Variants in DST observed in about 807,000 individuals in gnomAD.
The protein encoded by DST is bullous pemphigoid antigen.
Under a neutral mutation model 875.2 loss-of-function variants are expected in DST, and 253 were observed. The ratio of observed to expected loss-of-function variants is 0.29; its 90% CI spans 0.26 to 0.32. The LOEUF (loss-of-function observed/expected upper bound fraction) is 0.32, where lower values mean the gene tolerates loss of function less well. Ranked by LOEUF, DST falls within the 10% of genes least tolerant of loss-of-function variation. The pLI, the probability that DST is intolerant of heterozygous loss-of-function variation, is 1.00. For missense variants in DST, 8,287 were observed against 9,111.6 expected (o/e 0.91, Z 3.68); for synonymous variants, 3,124 against 3,197.1 (o/e 0.98, Z 0.77).
At chr6:56,951,997 A>C (rs1482961303) in intron 2 of DST, among the ~76,000 whole-genome samples, 1 of 152,142 alleles carries the variant, frequency 6.6e-6, no homozygotes, top group Non-Finnish European at 1.5e-5. Context: ...TCATTCAATA[A>C]ATATTTATTA....
Position 56,597,854 on chromosome 6 carries a change from G to A in DST, c.12081C>T (p.Gly4027=), listed in dbSNP as rs200047849. 2.0e-5 allele frequency: 33 copies of A among 1,613,852 alleles called. No homozygotes were observed. Among genetic ancestry groups the A allele is most frequent in the Non-Finnish European group, 2.3e-5 (27 of 1,179,852 alleles). Residue 4027 remains glycine, a synonymous_variant, in exon 47 of 104, where the codon GGC becomes GGT. Coordinates refer to ENST00000680361, the MANE Select transcript of DST (RefSeq NM_001374736.1). ...QNGTHFQEGD[G]KSAIGEEDEV... ...CATCCTCTTCTCCAATTGCTGACTT[G>A]CCATCACCTTCTTGAAAATGGGTCC...
intron 2 of DST, among the ~76,000 whole-genome samples, chr6:56,931,656 A>G (rs1592638765): frequency 6.6e-6 from 1 of 152,156 alleles, no homozygotes; most frequent in African/African-American, 2.4e-5. Context: ...ATGGGAACCC[A>G]CCTCTTGCAT....
chr6:56,679,977 C>A (rs2099149454), intron 9 of DST, among the ~76,000 whole-genome samples: 1 of 152,130 alleles, frequency 6.6e-6, no homozygotes, highest in Non-Finnish European at 1.5e-5. Flanking sequence ...TCACCTCCAA[C>A]TTCCTAGCGA....
intron 3 of DST, among the ~76,000 whole-genome samples, chr6:56,890,335 T>A (rs974832815): frequency 2.0e-5 from 3 of 152,250 alleles, no homozygotes; most frequent in African/African-American, 7.2e-5. Context: ...ATGATGATGA[T>A]GTTTAAAAAT....
At chr6:56,577,812 T>C (rs1039017924) in intron 50 of DST, among the ~76,000 whole-genome samples, 5 of 152,146 alleles carry the variant, frequency 3.3e-5, no homozygotes, top group African/African-American at 1.2e-4. Flanking sequence ...TGTAAGATAG[T>C]AAAAAATATG....
chr6:56,781,082 A>C (rs1053609490), intron 4 of DST, among the ~76,000 whole-genome samples: 2 of 151,362 alleles, frequency 1.3e-5, no homozygotes, highest in Admixed American at 6.6e-5. Context: ...CCATTGATCT[A>C]TATCTCTGTT....
intron 72 of DST, among the ~76,000 whole-genome samples, chr6:56,514,576 T>TACACACACAC (rs199770226): frequency 9.3e-5 from 10 of 107,240 alleles, no homozygotes; most frequent in Non-Finnish European, 1.2e-4. Flanking sequence ...GGCACAGGCG[T>TACACACACAC]ATACACACAC....
Position 56,482,886 on chromosome 6 carries a change from A to C in DST, c.21208-9T>G. On this transcript the variant is annotated splice_polypyrimidine_tract_variant and intron_variant, in intron 88 of 103. Transcript: ENST00000680361. Reference sequence around the variant, plus strand: ...AACTCTTTTTGGAAGGCCTAAGAAGACCATATTTTGAAAAATTAATTTTAA... The same window carrying C: ...AACTCTTTTTGGAAGGCCTAAGAAGCCCATATTTTGAAAAATTAATTTTAA... The C allele has an allele frequency of 6.8e-7, 1 of 1,476,048 alleles. No individual in the cohort carries two copies. The highest frequency in any genetic ancestry group is 9.0e-7 in the Non-Finnish European group (1 of 1,110,212). 91.4% of individuals were successfully genotyped at this position (1,476,048 alleles called of 1,614,324 possible).
chr6:56,783,184 A>G (rs1435271235), intron 4 of DST, among the ~76,000 whole-genome samples: 1 of 152,154 alleles, frequency 6.6e-6, no homozygotes, highest in Non-Finnish European at 1.5e-5. Flanking sequence ...GTGGTGCTGA[A>G]AAAAATGTAT....
In DST at chr6:56,594,048, T is replaced by G; in HGVS notation, c.12341A>C (p.His4114Pro). The G allele has an allele frequency of 6.2e-7, 1 of 1,613,764 alleles. No homozygotes were observed. Residue 4114 changes from histidine (H) to proline (P), a missense_variant, in exon 48 of 104, where the codon CAT (histidine) becomes CCT (proline). His to Pro is a moderately conservative substitution (Grantham distance 77). This residue lies in a region of DST where 1,513 missense variants were observed against 1,677.8 expected (regional missense o/e 0.90). Coordinates refer to ENST00000680361, the MANE Select transcript of DST (RefSeq NM_001374736.1). ...LQKNMKELKVHYETALAESEK... is the reference protein window; with the variant it reads ...LQKNMKELKVPYETALAESEK... ...TGACTCAGCCAGTGCAGTTTCATAA[T>G]GCACTTTCAGTTCCTTCATGTTCTT... is the stretch of plus-strand genomic sequence containing the variant.
At position 56,630,778 on chromosome 6, in the gene DST, TG is replaced by T. The variant is rs1306130770; in HGVS notation, c.4143-396del. On this transcript the variant is annotated intron_variant, in intron 30 of 103. Transcript: ENST00000680361. Reference sequence around the variant, plus strand: ...AAGTGTCATCAATCCATAAAAATAATGTATTTCTTTTTTTTTTTTTTTGAAA... The same window carrying T: ...AAGTGTCATCAATCCATAAAAATAATTATTTCTTTTTTTTTTTTTTTGAAA... Among the ~76,000 whole-genome samples the T allele has an allele frequency of 4.1e-5, 6 of 146,956 alleles. No individual in the cohort carries two copies. The South Asian group carries it at 1.0e-3, about 25-fold the overall frequency.
chr6:56,878,807 C>A (rs558082187), intron 3 of DST, among the ~76,000 whole-genome samples: 1 of 152,032 alleles, frequency 6.6e-6, no homozygotes, highest in African/African-American at 2.4e-5. Flanking sequence ...GCCACTGCAG[C>A]CTGAATCTCT....
intron 9 of DST, chr6:56,693,184 C>A: frequency 8.0e-7 from 1 of 1,242,992 alleles, no homozygotes. Context: ...CATAGATTCA[C>A]TCATTTCAAA....
intron 99 of DST, among the ~76,000 whole-genome samples, chr6:56,465,399 A>C (rs559452921): frequency 6.6e-6 from 1 of 152,192 alleles, no homozygotes; most frequent in Non-Finnish European, 1.5e-5. Flanking sequence ...GGGCCTACTG[A>C]GTAATTGGTA....
chr6:56,922,200 A>C (rs1804665780), intron 2 of DST, among the ~76,000 whole-genome samples: 1 of 152,144 alleles, frequency 6.6e-6, no homozygotes, highest in African/African-American at 2.4e-5. Context: ...GTTCTATCTA[A>C]CCTACAACAG....
Position 56,472,042 on chromosome 6 carries a change from G to A in DST, c.22158+17C>T. On this transcript the variant is annotated intron_variant, in intron 94 of 103. Transcript: ENST00000680361. ...GGGCAAATGACAATGTGGTGTTGAGGGTATGAATTTCCAAACCTCCTCTAG... is the reference window on the plus strand; with the variant it reads ...GGGCAAATGACAATGTGGTGTTGAGAGTATGAATTTCCAAACCTCCTCTAG... 1.2e-6 allele frequency: 2 copies of A among 1,612,772 alleles called. No homozygotes were observed. The highest frequency in any genetic ancestry group is 1.7e-6 in the Non-Finnish European group (2 of 1,178,830).
At chr6:56,703,177 T>C (rs977169197) in intron 7 of DST, among the ~76,000 whole-genome samples, 3 of 152,160 alleles carry the variant, frequency 2.0e-5, no homozygotes, top group African/African-American at 7.2e-5. Flanking sequence ...GTCCATCAAA[T>C]ACCTATTGCC....
intron 3 of DST, 145 bp from the exon 4 acceptor site, chr6:56,851,749 G>T: frequency 6.4e-7 from 1 of 1,551,686 alleles, no homozygotes; most frequent in African/African-American, 1.4e-5. Context: ...GGAGCTGAGG[G>T]AATATGCAGA....
Position 56,708,549 on chromosome 6 carries a change from A to AT in DST, c.688-4181dup, listed in dbSNP as rs2099350249. On this transcript the variant is annotated intron_variant, in intron 5 of 103. Coordinates refer to ENST00000680361, the MANE Select transcript of DST (RefSeq NM_001374736.1). ...TGGAAAACATCCTACAAAATATAAG[A>AT]TATCATTTTCCGAAAAGCAAATGTC... Among the ~76,000 whole-genome samples, 5 of 151,428 alleles carry AT rather than the reference A, an allele frequency of 3.3e-5. No homozygotes were observed. In the South Asian group the frequency reaches 1.0e-3, roughly 31 times the overall value.
Sources: gnomAD v4.1 joint callset for allele counts (sites outside exome capture counted in the v4.1 genomes callset) on GRCh38, gnomAD v4.1.1 for gene constraint, gnomAD v4.1.1 regional missense constraint, MANE v1.5 for transcripts, NCBI Gene and HGNC (gene_info 2026-07-23, HGNC 2026-07-21) for gene names.